Variants in ABCB7 observed in about 807,000 individuals in gnomAD.
ABCB7 encodes ATP binding cassette subfamily B member 7.
In ABCB7, 7 loss-of-function variants were observed where a neutral mutation model predicts 54.4. The observed-to-expected ratio is 0.13, with a 90% CI of 0.07 to 0.24. The LOEUF (loss-of-function observed/expected upper bound fraction) is 0.24, where lower values mean the gene tolerates loss of function less well. Among genes scored for constraint, ABCB7 ranks in the 10% least tolerant of loss-of-function variants. The probability of loss-of-function intolerance (pLI) is 1.00; values close to 1 mark genes in which losing one functional copy is unlikely to be tolerated. For synonymous variants in ABCB7, 218 were observed against 207.1 expected, an observed-to-expected ratio of 1.05 and a Z score of -0.45; for missense variants, 356 against 570.4, an observed-to-expected ratio of 0.62 and a Z score of 3.83.
At chrX:75,145,045 T>C (rs773991542) in intron 1 of ABCB7, among the ~76,000 whole-genome samples, 78 of 110,124 alleles carry the variant, frequency 7.1e-4, no homozygotes, top group African/African-American at 2.3e-3. Flanking sequence ...CAGGAAGAAA[T>C]TGAATCCCTG....
At chrX:75,119,161 T>A (rs749643860) in intron 1 of ABCB7, among the ~76,000 whole-genome samples, 1 of 112,426 alleles carries the variant, frequency 8.9e-6, no homozygotes, top group African/African-American at 3.2e-5. Context: ...ACTTAAGTAA[T>A]CTTTGGGAAA....
In ABCB7 at chrX:75,142,421, A is replaced by G. The variant is rs142627036; in HGVS notation, c.168+13684T>C. Among the ~76,000 whole-genome samples the G allele has an allele frequency of 2.4e-3, 266 of 112,070 alleles. 1 individual carries two copies. Among genetic ancestry groups the G allele is most frequent in the Middle Eastern group, 4.7e-3 (1 of 215 alleles). On this transcript the variant is annotated intron_variant, in intron 1 of 15. Transcript: ENST00000373394. Reference sequence around the variant, plus strand: ...AAATATTTTAACCTGCAGTTGATTGAATCCACAGATGCGGAACCCATGGAT... The same window carrying G: ...AAATATTTTAACCTGCAGTTGATTGGATCCACAGATGCGGAACCCATGGAT...
At chrX:75,076,700 A>G (rs777489911) in intron 4 of ABCB7, 46 bp from the exon 5 acceptor site, 1 of 1,144,644 alleles carries the variant, frequency 8.7e-7, no homozygotes, top group South Asian at 1.9e-5. Context: ...CAAAATACTT[A>G]TTTATAAAAG....
In ABCB7 at chrX:75,075,370, C is replaced by T. The variant is rs758888759; in HGVS notation, c.847G>A (p.Gly283Ser). Residue 283 changes from glycine to serine, a missense_variant, in exon 6 of 16, where the codon GGT becomes AGT. By Grantham distance (56) the Gly-to-Ser change is moderately conservative. This residue lies in a region of ABCB7 where 241 missense variants were observed against 470.9 expected (regional missense o/e 0.51). Coordinates refer to ENST00000373394, the MANE Select transcript of ABCB7 (RefSeq NM_001271696.3). ...PIMFEVMLVS[G>S]VLYYKCGAQF... is the part of the protein sequence containing the mutation. ...AAAAATGTTTAACTTACCAAAACAC[C>T]ACTGACAAGCATCACTTCAAACATG... The T allele has an allele frequency of 2.5e-6, 3 of 1,210,302 alleles. No individual in the cohort carries two copies. The East Asian group carries it at 8.9e-5, about 36-fold the overall frequency.
chrX:75,055,713 T>C (rs750434558), intron 15 of ABCB7, among the ~76,000 whole-genome samples: 67 of 110,921 alleles, frequency 6.0e-4, no homozygotes, highest in Non-Finnish European at 9.8e-4. Flanking sequence ...CCAATCAGGA[T>C]CAACACATTG....
In ABCB7 at chrX:75,076,535, T is replaced by A; in HGVS notation, c.573A>T (p.Ala191=). ...APNTVATMAT[A]VLIGYGVSRA... is the part of the protein sequence containing the mutation. ...AATCACACATACAGCCAATCAGAAC[T>A]GCTGTTGCCATGGTTGCAACTGTAT... Residue 191 remains alanine, a synonymous_variant, in exon 5 of 16, where the codon GCA becomes GCT. Coordinates refer to ENST00000373394, the MANE Select transcript of ABCB7 (RefSeq NM_001271696.3). 8.3e-7 allele frequency: 1 copy of A among 1,211,279 alleles called. No homozygotes were observed. The highest frequency in any genetic ancestry group is 1.1e-6 in the Non-Finnish European group (1 of 895,067).
chrX:75,070,342 A>G, intron 10 of ABCB7, 23 bp downstream of exon 10: 1 of 1,186,902 alleles, frequency 8.4e-7, no homozygotes. Flanking sequence ...TACTTTTGAA[A>G]AGGTACTATA....
chrX:75,066,671 G>A (rs1044949831), intron 12 of ABCB7, among the ~76,000 whole-genome samples: 77 of 103,754 alleles, frequency 7.4e-4, no homozygotes, highest in African/African-American at 2.5e-3. Flanking sequence ...ATACAATAAT[G>A]TTTAATAAAT....
At chrX:75,078,072 C>A (rs2081425296) in intron 4 of ABCB7, among the ~76,000 whole-genome samples, 1 of 109,714 alleles carries the variant, frequency 9.1e-6, no homozygotes, top group Non-Finnish European at 1.9e-5. Context: ...CACCACCACA[C>A]CCAGCTAATT....
intron 6 of ABCB7, 56 bp from the exon 7 acceptor site, chrX:75,074,012 G>C: frequency 1.0e-6 from 1 of 972,335 alleles, no homozygotes; most frequent in South Asian, 2.0e-5. Flanking sequence ...TTCCCAAACA[G>C]TTTGTAATAC....
At chrX:75,145,991 A>G (rs2082087909) in intron 1 of ABCB7, among the ~76,000 whole-genome samples, 2 of 111,844 alleles carry the variant, frequency 1.8e-5, no homozygotes, top group South Asian at 7.5e-4. Context: ...TAAAAACAAA[A>G]ATCACTAGCA....
At chrX:75,146,308 A>G (rs186289915) in intron 1 of ABCB7, among the ~76,000 whole-genome samples, 27 of 112,453 alleles carry the variant, frequency 2.4e-4, no homozygotes, top group Non-Finnish European at 4.1e-4. Flanking sequence ...TCACAGAACT[A>G]GAGACAACTA....
At chrX:75,115,225 G>A (rs1251208753) in intron 1 of ABCB7, among the ~76,000 whole-genome samples, 1 of 78,807 alleles carries the variant, frequency 1.3e-5, no homozygotes, top group Non-Finnish European at 2.2e-5. Flanking sequence ...CCGAGATCAC[G>A]CCACTGCACT....
rs1327692763 is a variant in ABCB7 at position 75,051,543 on chromosome X, G to T, written c.*1827C>A. 8.9e-6 allele frequency: 1 copy of T among 112,339 alleles called. No individual in the cohort carries two copies. The highest frequency in any genetic ancestry group is 1.9e-5 in the Non-Finnish European group (1 of 53,209). The allele number at this position is 112,339 out of a possible 1,213,427, so 9.3% of individuals were successfully genotyped here. ...AGCAAGTTCATACTGGAAAAGAGAA[G>T]AACTTTCTAAGTGAATGTATAGCAA... is the stretch of plus-strand genomic sequence containing the variant. On this transcript the variant is annotated 3_prime_UTR_variant, in exon 16 of 16. Transcript: ENST00000373394.
rs183638967 is a variant in ABCB7 at position 75,095,232 on chromosome X, G to C, written c.453+3710C>G. On this transcript the variant is annotated intron_variant, in intron 4 of 15. Transcript: ENST00000373394. The stretch of plus-strand genomic sequence containing the variant: ...TACCACTACAGCCATGCAGATGGCA[G>C]GGTGGCATTTAGAGCTGAGAAGATT... Among the ~76,000 whole-genome samples the C allele has an allele frequency of 1.0e-3, 112 of 111,688 alleles. 1 individual carries two copies. Among genetic ancestry groups the C allele is most frequent in the Non-Finnish European group, 2.0e-3 (106 of 53,188 alleles).
chrX:75,094,756 T>G (rs2081576894), intron 4 of ABCB7, among the ~76,000 whole-genome samples: 1 of 110,552 alleles, frequency 9.0e-6, no homozygotes, highest in Non-Finnish European at 1.9e-5. Flanking sequence ...TTCCCCAGAT[T>G]AATAATGATA....
At chrX:75,152,057 T>C (rs1249491323) in intron 1 of ABCB7, among the ~76,000 whole-genome samples, 1 of 111,890 alleles carries the variant, frequency 8.9e-6, no homozygotes, top group Non-Finnish European at 1.9e-5. Flanking sequence ...ATATGAATAA[T>C]TGGTTTGGTA....
At chrX:75,148,817 T>C (rs2082111218) in intron 1 of ABCB7, among the ~76,000 whole-genome samples, 1 of 111,111 alleles carries the variant, frequency 9.0e-6, no homozygotes, top group South Asian at 3.8e-4. Flanking sequence ...TGTGAGAAAA[T>C]ACATTTCTGT....
At chrX:75,121,458 G>T (rs2081878292) in intron 1 of ABCB7, among the ~76,000 whole-genome samples, 1 of 111,718 alleles carries the variant, frequency 9.0e-6, no homozygotes, top group Non-Finnish European at 1.9e-5. Flanking sequence ...TGGTATACTT[G>T]TTGTTATATT....
Sources: allele counts gnomAD v4.1 joint callset (sites outside exome capture counted in the v4.1 genomes callset), GRCh38; gene constraint gnomAD v4.1.1; regional missense constraint gnomAD v4.1.1; transcripts MANE v1.5; gene names NCBI Gene and HGNC (gene_info 2026-07-23, HGNC 2026-07-21).